Variants in FNDC3A observed in about 807,000 individuals in gnomAD.
FNDC3A encodes fibronectin type-III domain-containing protein 3A.
Under a neutral mutation model 148.9 loss-of-function variants are expected in FNDC3A, and 32 were observed. The ratio of observed to expected loss-of-function variants is 0.21; its 90% CI spans 0.16 to 0.29. FNDC3A has a LOEUF of 0.29. Ranked by LOEUF, FNDC3A falls within the 10% of genes least tolerant of loss-of-function variation. The pLI, the probability that FNDC3A is intolerant of heterozygous loss-of-function variation, is 1.00. For missense variants in FNDC3A, 1,191 were observed against 1,452.8 expected (o/e 0.82, Z 2.93); for synonymous variants, 472 against 473.6 (o/e 1.00, Z 0.04).
At chr13:49,015,939 C>T (rs1172178908) in intron 2 of FNDC3A, among the ~76,000 whole-genome samples, 2 of 151,496 alleles carry the variant, frequency 1.3e-5, no homozygotes, top group Non-Finnish European at 2.9e-5. Flanking sequence ...AGCCTTGCAT[C>T]CCAGGGATGA....
At chr13:49,068,678 A>T (rs1234889312) in intron 2 of FNDC3A, among the ~76,000 whole-genome samples, 1 of 152,234 alleles carries the variant, frequency 6.6e-6, no homozygotes, top group Non-Finnish European at 1.5e-5. Flanking sequence ...GGCAGACTGG[A>T]TGAAGAAAAT....
chr13:49,188,674 T>C, intron 17 of FNDC3A, 41 bp downstream of exon 17: 1 of 1,357,492 alleles, frequency 7.4e-7, no homozygotes, highest in Middle Eastern at 1.8e-4. Context: ...GTTATTAAGT[T>C]TGGCCAAATG....
intron 4 of FNDC3A, 105 bp from the exon 5 acceptor site, chr13:49,131,032 C>T: frequency 1.2e-6 from 1 of 826,056 alleles, no homozygotes; most frequent in Admixed American, 2.0e-5. Context: ...TCCCAAAGTG[C>T]TGGGACTAGA....
chr13:49,072,398 G>T (rs1458532495), intron 2 of FNDC3A, among the ~76,000 whole-genome samples: 5 of 152,050 alleles, frequency 3.3e-5, no homozygotes, highest in Non-Finnish European at 7.4e-5. Flanking sequence ...AAAAGAAAAT[G>T]AGTTGGCTCT....
chr13:48,982,697 A>C (rs756345671), intron 1 of FNDC3A, among the ~76,000 whole-genome samples: 1 of 152,184 alleles, frequency 6.6e-6, no homozygotes, highest in Non-Finnish European at 1.5e-5. Flanking sequence ...TTGAGAGTCC[A>C]TACTCTGTTG....
chr13:49,171,495 C>T (rs1369999001), intron 10 of FNDC3A, among the ~76,000 whole-genome samples: 1 of 152,040 alleles, frequency 6.6e-6, no homozygotes, highest in African/African-American at 2.4e-5. Context: ...TGATTAAATA[C>T]TGAAATAAAA....
At chr13:49,079,047 T>G (rs1465413849) in intron 3 of FNDC3A, among the ~76,000 whole-genome samples, 1 of 152,206 alleles carries the variant, frequency 6.6e-6, no homozygotes, top group African/African-American at 2.4e-5. Context: ...TTCAGAATAT[T>G]TAGAAATGAA....
intron 2 of FNDC3A, among the ~76,000 whole-genome samples, chr13:49,035,319 A>G (rs1169200601): frequency 6.6e-6 from 1 of 152,068 alleles, no homozygotes; most frequent in African/African-American, 2.4e-5. Context: ...TTGCATATGT[A>G]TACACTGTAT....
chr13:49,164,220 C>A (rs762015962), intron 8 of FNDC3A, among the ~76,000 whole-genome samples: 8 of 152,178 alleles, frequency 5.3e-5, no homozygotes, highest in Non-Finnish European at 1.2e-4. Context: ...ATCCCATTCC[C>A]TGCTGGTTTG....
chr13:49,026,198 T>C (rs1270200179), intron 2 of FNDC3A, among the ~76,000 whole-genome samples: 1 of 152,104 alleles, frequency 6.6e-6, no homozygotes. Context: ...TATAAATGAA[T>C]AAAAATAAAA....
chr13:49,166,365 A>G (rs572956115), intron 8 of FNDC3A, among the ~76,000 whole-genome samples: 3 of 152,284 alleles, frequency 2.0e-5, no homozygotes, highest in Non-Finnish European at 4.4e-5. Context: ...AGCCAGTGAC[A>G]GTGGTGGCCT....
chr13:49,102,834 A>G (rs1879948292), intron 3 of FNDC3A, among the ~76,000 whole-genome samples: 1 of 152,208 alleles, frequency 6.6e-6, no homozygotes, highest in South Asian at 2.1e-4. Flanking sequence ...AGCAAACTTA[A>G]AAATGTACCT....
intron 16 of FNDC3A, 112 bp downstream of exon 16, chr13:49,187,302 A>G (rs1484653840): frequency 2.1e-6 from 2 of 944,992 alleles, no homozygotes; most frequent in Non-Finnish European, 3.2e-6. Flanking sequence ...TTCATAAGGT[A>G]CACCATAAAA....
chr13:49,099,734 A>G (rs115577043), intron 3 of FNDC3A, among the ~76,000 whole-genome samples: 1,661 of 152,194 alleles, frequency 0.011, 36 homozygotes, highest in African/African-American at 0.037. Flanking sequence ...GATTTGTAAA[A>G]ATATGTAACA....
intron 2 of FNDC3A, among the ~76,000 whole-genome samples, chr13:49,062,002 A>C (rs1392525121): frequency 6.6e-6 from 1 of 151,602 alleles, no homozygotes; most frequent in Non-Finnish European, 1.5e-5. Context: ...CAGTCCCCAT[A>C]GTAATAATTG....
At chr13:49,168,185 G>A (rs191887610) in intron 9 of FNDC3A, among the ~76,000 whole-genome samples, 41 of 152,246 alleles carry the variant, frequency 2.7e-4, no homozygotes, top group African/African-American at 9.4e-4. Context: ...AAGTGTTCAA[G>A]TGTACTTACT....
chr13:49,131,096 T>C, intron 4 of FNDC3A, 41 bp from the exon 5 acceptor site: 2 of 1,465,410 alleles, frequency 1.4e-6, no homozygotes, highest in Non-Finnish European at 1.9e-6. Context: ...GAATTGTTTA[T>C]ATTCTATGGA....
At chr13:49,194,236 C>A (rs1047666372) in intron 19 of FNDC3A, among the ~76,000 whole-genome samples, 5 of 152,190 alleles carry the variant, frequency 3.3e-5, no homozygotes, top group Non-Finnish European at 7.3e-5. Context: ...GAACTCCAGC[C>A]TGGGCAACAG....
At position 49,167,232 on chromosome 13, in the gene FNDC3A, T is replaced by C; in HGVS notation, c.978-12T>C. 2.6e-6 allele frequency: 4 copies of C among 1,564,112 alleles called. No homozygotes were observed. Among genetic ancestry groups the C allele is most frequent in the Admixed American group, 1.7e-5 (1 of 57,920 alleles). On this transcript the variant is annotated splice_polypyrimidine_tract_variant and intron_variant, in intron 8 of 25. Transcript: ENST00000492622. ...ATTTATCAGACATGATATATTACCC[T>C]TTTTTCCCCAGAGGAGAAGAAACAA... is the stretch of plus-strand genomic sequence containing the variant.
Sources: gnomAD v4.1 joint callset for allele counts (sites outside exome capture counted in the v4.1 genomes callset) on GRCh38, gnomAD v4.1.1 for gene constraint, MANE v1.5 for transcripts, NCBI Gene and HGNC (gene_info 2026-07-23, HGNC 2026-07-21) for gene names.